Variants in SGCZ observed in about 807,000 individuals in gnomAD.
The protein encoded by SGCZ is zeta-sarcoglycan.
SGCZ carries 40 observed loss-of-function variants against 41.3 expected under a neutral mutation model. The observed-to-expected ratio is 0.97, with a 90% CI of 0.75 to 1.26. SGCZ has a LOEUF of 1.26. Ranked by LOEUF, SGCZ falls within the 50% of genes most tolerant of loss-of-function variation. SGCZ has a pLI of 0.00. For synonymous variants in SGCZ, 206 were observed against 137.5 expected (o/e 1.50, Z -3.49); for missense variants, 552 against 369.8 (o/e 1.49, Z -4.04).
Position 14,611,211 on chromosome 8 carries a change from T to A in SGCZ, c.40-56285A>T, listed in dbSNP as rs555094042. On this transcript the variant is annotated intron_variant, in intron 1 of 7. Transcript: ENST00000382080. Reference sequence around the variant, plus strand: ...CTTTGCTCTTCCTCAACACTGAGTCTTTCCTCTATCCTTTTCAAATATCTT... The same window carrying A: ...CTTTGCTCTTCCTCAACACTGAGTCATTCCTCTATCCTTTTCAAATATCTT... Among the ~76,000 whole-genome samples, 20 of 152,290 alleles carry A rather than the reference T, an allele frequency of 1.3e-4. No homozygotes were observed. In the South Asian group the frequency reaches 3.1e-3, roughly 24 times the overall value.
Position 14,827,813 on chromosome 8 carries a change from C to T in SGCZ, c.40-272887G>A, listed in dbSNP as rs147830606. Among the ~76,000 whole-genome samples the T allele has an allele frequency of 2.0e-4, 30 of 152,158 alleles. No homozygotes were observed. In the East Asian group the frequency reaches 2.9e-3, roughly 15 times the overall value. On this transcript the variant is annotated intron_variant, in intron 1 of 7. Coordinates refer to ENST00000382080, the MANE Select transcript of SGCZ (RefSeq NM_139167.4). ...ATACAGTTGTTAATATATGCACACA[C>T]GGATACACATATACATAAACACACA...
intron 1 of SGCZ, among the ~76,000 whole-genome samples, chr8:14,683,222 T>C (rs764605574): frequency 6.3e-4 from 96 of 152,248 alleles, no homozygotes; most frequent in Admixed American, 1.6e-3. Context: ...TAGACTAATT[T>C]ATAATAACAA....
At chr8:14,327,015 T>C (rs1802143575) in intron 2 of SGCZ, among the ~76,000 whole-genome samples, 2 of 152,170 alleles carry the variant, frequency 1.3e-5, no homozygotes. Flanking sequence ...TGTTTTCAAA[T>C]GACTAACCAT....
intron 1 of SGCZ, among the ~76,000 whole-genome samples, chr8:15,125,997 T>A (rs2116961353): frequency 6.6e-6 from 1 of 152,158 alleles, no homozygotes; most frequent in Non-Finnish European, 1.5e-5. Context: ...AATACAAAAA[T>A]TAGCCGGGCG....
intron 5 of SGCZ, among the ~76,000 whole-genome samples, chr8:14,139,682 T>C (rs190721272): frequency 1.3e-5 from 2 of 152,152 alleles, no homozygotes; most frequent in East Asian, 1.9e-4. Flanking sequence ...GCCTCTGAAA[T>C]TGAGGCAATA....
At chr8:14,976,539 T>G (rs559505746) in intron 1 of SGCZ, among the ~76,000 whole-genome samples, 1 of 152,306 alleles carries the variant, frequency 6.6e-6, no homozygotes, top group African/African-American at 2.4e-5. Flanking sequence ...AAGATATCTA[T>G]TCCTATGACC....
At position 15,143,666 on chromosome 8, in the gene SGCZ, A is replaced by G. The variant is rs114168107; in HGVS notation, c.39+93919T>C. Among the ~76,000 whole-genome samples the G allele has an allele frequency of 5.9e-3, 890 of 152,090 alleles. 14 individuals carry two copies. Among genetic ancestry groups the G allele is most frequent in the African/African-American group, 0.021 (850 of 41,410 alleles). On this transcript the variant is annotated intron_variant, in intron 1 of 7. Transcript: ENST00000382080. ...TGTCTGACACTAGGAGAATTAACCC[A>G]TCTCCTTGGGGCTCAGTTTTTGCAT... is the stretch of plus-strand genomic sequence containing the variant.
chr8:14,442,117 A>C (rs1259896167), intron 2 of SGCZ, among the ~76,000 whole-genome samples: 1 of 152,174 alleles, frequency 6.6e-6, no homozygotes, highest in Non-Finnish European at 1.5e-5. Context: ...AGATCACTGA[A>C]ACTTCATAAT....
intron 1 of SGCZ, among the ~76,000 whole-genome samples, chr8:14,632,344 T>C (rs765202724): frequency 3.8e-4 from 58 of 152,026 alleles, no homozygotes; most frequent in Non-Finnish European, 5.1e-4. Context: ...TATAATCTAG[T>C]GCATTATCTA....
intron 1 of SGCZ, among the ~76,000 whole-genome samples, chr8:14,619,201 C>T (rs1806203299): frequency 1.3e-5 from 2 of 150,746 alleles, no homozygotes; most frequent in South Asian, 2.1e-4. Flanking sequence ...ACATGATTAT[C>T]TCAATAGATG....
chr8:14,445,949 G>A (rs1277293008), intron 2 of SGCZ, among the ~76,000 whole-genome samples: 2 of 152,172 alleles, frequency 1.3e-5, no homozygotes, highest in Admixed American at 6.5e-5. Context: ...GCTGGATCCT[G>A]GAGTGGCTGG....
At chr8:14,617,587 A>G (rs1236480822) in intron 1 of SGCZ, among the ~76,000 whole-genome samples, 1 of 152,182 alleles carries the variant, frequency 6.6e-6, no homozygotes, top group African/African-American at 2.4e-5. Flanking sequence ...GCACAGTCCT[A>G]ACCATAAATA....
At chr8:14,678,934 G>C (rs745501819) in intron 1 of SGCZ, among the ~76,000 whole-genome samples, 5 of 152,126 alleles carry the variant, frequency 3.3e-5, no homozygotes, top group South Asian at 4.1e-4. Context: ...AATCTGAAAA[G>C]CCTACATACT....
chr8:14,634,371 TG>T (rs1806758814), intron 1 of SGCZ, among the ~76,000 whole-genome samples: 1 of 151,870 alleles, frequency 6.6e-6, no homozygotes, highest in Non-Finnish European at 1.5e-5. Flanking sequence ...GTATTTTTTT[TG>T]TTCTGTGTTT....
chr8:14,720,858 C>T (rs1809861723), intron 1 of SGCZ, among the ~76,000 whole-genome samples: 1 of 151,994 alleles, frequency 6.6e-6, no homozygotes, highest in Non-Finnish European at 1.5e-5. Flanking sequence ...ATTTCTTCTA[C>T]TGTTTTGTAA....
At chr8:14,300,704 T>C (rs924696581) in intron 3 of SGCZ, among the ~76,000 whole-genome samples, 1 of 151,974 alleles carries the variant, frequency 6.6e-6, no homozygotes, top group African/African-American at 2.4e-5. Flanking sequence ...GTGGTTAATT[T>C]TGAATTTCCC....
chr8:14,104,901 T>TAAC (rs1453488737), intron 6 of SGCZ, among the ~76,000 whole-genome samples: 2 of 152,264 alleles, frequency 1.3e-5, no homozygotes, highest in Admixed American at 6.5e-5. Flanking sequence ...TAAAATGAAT[T>TAAC]AACATTTATT....
chr8:14,716,169 C>A (rs1312210909), intron 1 of SGCZ, among the ~76,000 whole-genome samples: 2 of 151,636 alleles, frequency 1.3e-5, no homozygotes, highest in Non-Finnish European at 2.9e-5. Flanking sequence ...AGCCGAGTAT[C>A]CAAATTTAGA....
chr8:14,561,433 G>T (rs1276140394), intron 1 of SGCZ, among the ~76,000 whole-genome samples: 3 of 152,104 alleles, frequency 2.0e-5, no homozygotes, highest in African/African-American at 7.2e-5. Context: ...GTACCAAGAT[G>T]TTTCTCTGGC....
Sources: allele counts gnomAD v4.1 joint callset (sites outside exome capture counted in the v4.1 genomes callset), GRCh38; gene constraint gnomAD v4.1.1; transcripts MANE v1.5; gene names NCBI Gene and HGNC (gene_info 2026-07-23, HGNC 2026-07-21).